Variants in DNPEP observed in about 807,000 individuals in gnomAD.
DNPEP encodes aspartyl aminopeptidase.
In DNPEP, 46 loss-of-function variants were observed where a neutral mutation model predicts 59.1. The observed-to-expected ratio is 0.78, with a 90% CI of 0.61 to 0.99. The LOEUF is 0.99. DNPEP is among the 50% of genes least tolerant of loss of function. DNPEP has a pLI of 0.00. For missense variants in DNPEP, 617 were observed against 649.9 expected (o/e 0.95, Z 0.55); for synonymous variants, 229 against 242.2 (o/e 0.95, Z 0.50).
chr2:219,387,039 A>G (rs776021313), intron 2 of DNPEP, 31 bp downstream of exon 2: 4 of 1,611,642 alleles, frequency 2.5e-6, no homozygotes, highest in Non-Finnish European at 3.4e-6. Context: ...ATCAGCCTCC[A>G]CCCTCCTCCC....
At chr2:219,387,634 C>T (rs1953906935) in intron 1 of DNPEP, 125 bp downstream of exon 1, 22 of 1,547,864 alleles carry the variant, frequency 1.4e-5, no homozygotes, top group Non-Finnish European at 1.9e-5. Flanking sequence ...TCACCCTCCG[C>T]GGGGCTTTCG....
chr2:219,397,439 C>T (rs2125154900), intron 1 of DNPEP, among the ~76,000 whole-genome samples: 1 of 152,154 alleles, frequency 6.6e-6, no homozygotes, highest in South Asian at 2.1e-4. Context: ...GATCTTGGCT[C>T]ACTGCAACTT....
At chr2:219,393,172 A>G (rs1423406832), upstream of DNPEP, among the ~76,000 whole-genome samples, 2 of 152,238 alleles carry the variant, frequency 1.3e-5, no homozygotes, top group East Asian at 3.8e-4. Flanking sequence ...AAACCTTTCA[A>G]AAAAATCTCA....
chr2:219,385,944 A>C lies in DNPEP; in HGVS notation c.590+24T>G, dbSNP rs779696546. 16 of 1,612,768 alleles carry C rather than the reference A, an allele frequency of 9.9e-6. No homozygotes were observed. In the Middle Eastern group the frequency reaches 5.0e-4, roughly 50 times the overall value. On this transcript the variant is annotated intron_variant, in intron 6 of 14. Transcript: ENST00000273075. ...GTACCATTCTCCATCCCTCCCAGCC[A>C]CCGCAGCCCTGCCCCAGTCTCACAG...
chr2:219,388,582 C>A (rs1367201768), upstream of DNPEP: 2 of 518,626 alleles, frequency 3.9e-6, no homozygotes, highest in African/African-American at 4.2e-5. Flanking sequence ...CCACGCCGCG[C>A]GACCCGCAGC....
upstream of DNPEP, among the ~76,000 whole-genome samples, chr2:219,392,801 C>T (rs1481997013): frequency 2.6e-5 from 4 of 152,202 alleles, no homozygotes; most frequent in South Asian, 2.1e-4. Context: ...TGAACCACCG[C>T]GTCCAGCCTA....
chr2:219,386,575 T>G, intron 4 of DNPEP, 90 bp downstream of exon 4: 1 of 1,445,180 alleles, frequency 6.9e-7, no homozygotes, highest in African/African-American at 1.4e-5. Flanking sequence ...CTCCAGGGGA[T>G]AGAGGCCCCA....
chr2:219,373,064 TTTTC>T lies in DNPEP; in HGVS notation c.*1224_*1227del, dbSNP rs1303093477. On this transcript the variant is annotated 3_prime_UTR_variant, in exon 15 of 15. Coordinates refer to ENST00000273075, the MANE Select transcript of DNPEP (RefSeq NM_012100.4). ...GTTGGTTTATAAGCAGGCTTTGACT[TTTTC>T]TTTTTCTTTTTTTTTTTTTGAGAGA... Among the ~76,000 whole-genome samples, 3 of 151,528 alleles carry T rather than the reference TTTTC, an allele frequency of 2.0e-5. No individual in the cohort carries two copies. Among genetic ancestry groups the T allele is most frequent in the African/African-American group, 7.3e-5 (3 of 41,158 alleles).
chr2:219,389,902 C>G (rs970509894), upstream of DNPEP, among the ~76,000 whole-genome samples: 4 of 150,776 alleles, frequency 2.7e-5, no homozygotes, highest in African/African-American at 9.7e-5. Flanking sequence ...CATTCTTGTC[C>G]TCTACCTCCT....
chr2:219,392,810 T>TA (rs1253894103), upstream of DNPEP, among the ~76,000 whole-genome samples: 1 of 152,164 alleles, frequency 6.6e-6, no homozygotes, highest in Non-Finnish European at 1.5e-5. Context: ...GCGTCCAGCC[T>TA]AGAACTACAA....
chr2:219,395,559 C>T (rs1954083030), intron 1 of DNPEP, among the ~76,000 whole-genome samples: 1 of 152,244 alleles, frequency 6.6e-6, no homozygotes, highest in African/African-American at 2.4e-5. Flanking sequence ...GGGTCATTCT[C>T]AGGGTGTGCT....
Position 219,372,856 on chromosome 2 carries a change from A to T in DNPEP, c.*1436T>A, listed in dbSNP as rs1229533050. ...GCCTTTACTGAGAAATCTTTAGATG[A>T]ATTCTAACTTTTTGCCATTGCTAAA... On this transcript the variant is annotated 3_prime_UTR_variant, in exon 15 of 15. Coordinates refer to ENST00000273075, the MANE Select transcript of DNPEP (RefSeq NM_012100.4). Among the ~76,000 whole-genome samples the T allele has an allele frequency of 1.3e-5, 2 of 152,232 alleles. No individual in the cohort carries two copies. Among genetic ancestry groups the T allele is most frequent in the South Asian group, 2.1e-4 (1 of 4,830 alleles).
rs1953620565 is a variant in DNPEP at position 219,381,975 on chromosome 2, T to G, written c.1097+4A>C. 6.2e-7 allele frequency: 1 copy of G among 1,613,962 alleles called. No homozygotes were observed. The highest frequency in any genetic ancestry group is 1.3e-5 in the African/African-American group (1 of 74,928). On this transcript the variant is annotated splice_donor_region_variant and intron_variant, in intron 11 of 14. Coordinates refer to ENST00000273075, the MANE Select transcript of DNPEP (RefSeq NM_012100.4). ...AGACTGTGTGACTGGCACTAGAGAC[T>G]CACAGGTAGTTGGGATGCACAGCAT... is the stretch of plus-strand genomic sequence containing the variant.
Position 219,373,969 on chromosome 2 carries a change from G to A in DNPEP, c.*323C>T, listed in dbSNP as rs1574965635. 3.0e-6 allele frequency: 1 copy of A among 332,628 alleles called. No homozygotes were observed. Among genetic ancestry groups the A allele is most frequent in the African/African-American group, 2.1e-5 (1 of 48,738 alleles). 20.6% of individuals were successfully genotyped at this position (332,628 alleles called of 1,614,324 possible). On this transcript the variant is annotated 3_prime_UTR_variant, in exon 15 of 15. Transcript: ENST00000273075. ...CCGTTGAGGCCATTTCCCAGGTGGA[G>A]GACTAGGGGTGGGAGAAGTGACCTT...
At chr2:219,399,004 T>C (rs780512987) in intron 1 of DNPEP, among the ~76,000 whole-genome samples, 31 of 152,384 alleles carry the variant, frequency 2.0e-4, no homozygotes, top group Admixed American at 6.5e-4. Context: ...GCTGTTTACT[T>C]TCAGTTCGTA....
chr2:219,386,903 G>A lies in DNPEP; in HGVS notation c.208C>T (p.Pro70Ser). The change falls in exon 3 of 15, where the codon CCC (proline) becomes TCC (serine). Residue 70 changes from proline (P) to serine (S), a missense_variant. Pro to Ser is a moderately conservative substitution (Grantham distance 74). Transcript: ENST00000273075. Reference sequence around the variant, plus strand: ...CCCACCCCCAGTACCTTGCTCTCGGGCTTAATATTCCATTTCTCAGTCTCC... The same window carrying A: ...CCCACCCCCAGTACCTTGCTCTCGGACTTAATATTCCATTTCTCAGTCTCC... Reference protein sequence around the residue: ...LKETEKWNIKPESKYFMTRNS... With the variant: ...LKETEKWNIKSESKYFMTRNS... 6.2e-7 allele frequency: 1 copy of A among 1,613,670 alleles called. No individual in the cohort carries two copies. Among genetic ancestry groups the A allele is most frequent in the Non-Finnish European group, 8.5e-7 (1 of 1,179,854 alleles).
chr2:219,399,106 C>T (rs568839104), intron 1 of DNPEP, among the ~76,000 whole-genome samples: 1 of 152,328 alleles, frequency 6.6e-6, no homozygotes, highest in East Asian at 1.9e-4. Context: ...GTTCCAGGGA[C>T]TGGGTGATTC....
chr2:219,398,149 G>A (rs541520555), intron 1 of DNPEP, among the ~76,000 whole-genome samples: 6 of 152,154 alleles, frequency 3.9e-5, no homozygotes, highest in Admixed American at 2.0e-4. Flanking sequence ...AGGAGTAAAT[G>A]GGATAATGCA....
In DNPEP at chr2:219,386,322, G is replaced by A. The variant is rs1265975758; in HGVS notation, c.423C>T (p.Asp141=). Residue 141 remains aspartate, a synonymous_variant, in exon 5 of 15, where the codon GAC becomes GAT. Transcript: ENST00000273075. Reference sequence around the variant, plus strand: ...CGCGTCCAGCCAGAGTCAGGTCACGGTCAAACCAGGTGCTCCAGATCCCAC... The same window carrying A: ...CGCGTCCAGCCAGAGTCAGGTCACGATCAAACCAGGTGCTCCAGATCCCAC... The part of the protein sequence containing the change: ...YGGGIWSTWF[D]RDLTLAGRVI... The A allele has an allele frequency of 6.2e-7, 1 of 1,614,192 alleles. No individual in the cohort carries two copies. The highest frequency in any genetic ancestry group is 1.1e-5 in the South Asian group (1 of 91,084).
Sources: allele counts gnomAD v4.1 joint callset (sites outside exome capture counted in the v4.1 genomes callset), GRCh38; gene constraint gnomAD v4.1.1; transcripts MANE v1.5; gene names NCBI Gene and HGNC (gene_info 2026-07-23, HGNC 2026-07-21).